PLEKHG4B: variants seen among roughly 807,000 people sequenced by gnomAD.
PLEKHG4B encodes the protein pleckstrin homology domain-containing family G member 4B.
Under a neutral mutation model 121.3 loss-of-function variants are expected in PLEKHG4B, and 111 were observed. That is an observed-to-expected ratio of 0.92 (90% CI 0.78 to 1.07). The LOEUF (loss-of-function observed/expected upper bound fraction) is 1.07. PLEKHG4B is among the 50% of genes least tolerant of loss of function. The probability of loss-of-function intolerance (pLI) is 0.00; values close to 1 mark genes in which losing one functional copy is unlikely to be tolerated. For synonymous variants in PLEKHG4B, 738 were observed against 725.0 expected, an observed-to-expected ratio of 1.02 and a Z score of -0.29; for missense variants, 1,831 against 1,757.8, an observed-to-expected ratio of 1.04 and a Z score of -0.74.
At chr5:112,352 C>T (rs565759195) in intron 1 of PLEKHG4B, among the ~76,000 whole-genome samples, 1 of 152,320 alleles carries the variant, frequency 6.6e-6, no homozygotes, top group Non-Finnish European at 1.5e-5. Flanking sequence ...TTTCAATTTC[C>T]TTAGGAAATT....
At chr5:132,946 G>A (rs1292864138) in intron 2 of PLEKHG4B, among the ~76,000 whole-genome samples, 2 of 152,138 alleles carry the variant, frequency 1.3e-5, no homozygotes, top group African/African-American at 4.8e-5. Context: ...GTGGTATTTT[G>A]ATGGGAATTG....
intron 2 of PLEKHG4B, among the ~76,000 whole-genome samples, chr5:120,570 A>G (rs1734438334): frequency 6.6e-6 from 1 of 152,216 alleles, no homozygotes; most frequent in African/African-American, 2.4e-5. Context: ...GCACTCCTGT[A>G]GCTTTAATTC....
At chr5:142,784 TCCTGAGGCGTCTG>T (rs1735262603) in intron 3 of PLEKHG4B, among the ~76,000 whole-genome samples, 1 of 152,218 alleles carries the variant, frequency 6.6e-6, no homozygotes, top group South Asian at 2.1e-4. Context: ...GACCTGTTCC[TCCTGAGGCGTCTG>T]CAGGTAGTGA....
intron 1 of PLEKHG4B, among the ~76,000 whole-genome samples, chr5:104,967 C>T (rs1386148292): frequency 1.3e-5 from 2 of 152,232 alleles, no homozygotes; most frequent in South Asian, 2.1e-4. Context: ...CTGGTGTTCC[C>T]GTCCTGAAGG....
intron 1 of PLEKHG4B, among the ~76,000 whole-genome samples, chr5:96,718 A>T (rs985067575): frequency 1.2e-4 from 19 of 152,182 alleles, no homozygotes; most frequent in Non-Finnish European, 2.2e-4. Flanking sequence ...AATCACAGTG[A>T]CCACTCATGC....
intron 2 of PLEKHG4B, among the ~76,000 whole-genome samples, chr5:122,135 T>C (rs1453658039): frequency 6.6e-6 from 1 of 152,094 alleles, no homozygotes; most frequent in Non-Finnish European, 1.5e-5. Context: ...CATATTGTAA[T>C]CTTGAGAGCA....
At chr5:164,779 C>G (rs1218276201) in intron 13 of PLEKHG4B, among the ~76,000 whole-genome samples, 1 of 134,014 alleles carries the variant, frequency 7.5e-6, no homozygotes, top group Non-Finnish European at 1.6e-5. Flanking sequence ...GCGGAGCTCA[C>G]ACTAATGCTC....
Position 185,685 on chromosome 5 carries a change from AG to A in PLEKHG4B, c.*3364del. ...GCCCAGGTGTGCAGGGGGCAGGGCC[AG>A]GTGCAGGGGCACAGCTTATGCCTGT... On this transcript the variant is annotated 3_prime_UTR_variant, in exon 20 of 20. Coordinates refer to ENST00000637938, the MANE Select transcript of PLEKHG4B (RefSeq NM_052909.5). The A allele has an allele frequency of 6.5e-6, 1 of 152,844 alleles. No homozygotes were observed. The highest frequency in any genetic ancestry group is 1.5e-5 in the Non-Finnish European group (1 of 68,366). The allele number at this position is 152,844 out of a possible 1,614,324, so 9.5% of individuals were successfully genotyped here.
At chr5:101,312 C>T (rs1327806994) in intron 1 of PLEKHG4B, among the ~76,000 whole-genome samples, 1 of 112,936 alleles carries the variant, frequency 8.9e-6, no homozygotes, top group Admixed American at 8.5e-5. Context: ...AGGGGAGAGA[C>T]TGTTGTGAGG....
intron 2 of PLEKHG4B, among the ~76,000 whole-genome samples, chr5:118,735 A>G (rs575933707): frequency 6.6e-6 from 1 of 152,246 alleles, no homozygotes; most frequent in South Asian, 2.1e-4. Context: ...ATCTAGGGTA[A>G]TAATACCTCT....
At position 137,801 on chromosome 5, in the gene PLEKHG4B, C is replaced by T. The variant is rs934825267; in HGVS notation, c.244-1682C>T. On this transcript the variant is annotated intron_variant, in intron 2 of 19. Coordinates refer to ENST00000637938, the MANE Select transcript of PLEKHG4B (RefSeq NM_052909.5). This position sits in a 1 kb window ranked among gnomAD's most constrained non-coding sequence, Gnocchi z 4.2. ...CTGTGCTGGGCAATAGGATCGGGGA[C>T]GGACTCTGGGGGCCAGGCTCGGGGA... Among the ~76,000 whole-genome samples the T allele has an allele frequency of 3.1e-4, 47 of 152,330 alleles. No homozygotes were observed. The highest frequency in any genetic ancestry group is 2.4e-3 in the Admixed American group (37 of 15,304).
At chr5:146,095 T>C (rs1386457831) in intron 6 of PLEKHG4B, among the ~76,000 whole-genome samples, 2 of 139,370 alleles carry the variant, frequency 1.4e-5, no homozygotes, top group Non-Finnish European at 3.1e-5. Flanking sequence ...CTTGGAGTCC[T>C]CCCTCCTCTC....
intron 2 of PLEKHG4B, among the ~76,000 whole-genome samples, chr5:138,842 T>C (rs1417418913): frequency 6.6e-6 from 1 of 152,264 alleles, no homozygotes; most frequent in Admixed American, 6.5e-5. Flanking sequence ...AAGTGATCTG[T>C]GTGCAGTTTC....
chr5:167,776 G>C (rs7720403), intron 13 of PLEKHG4B, among the ~76,000 whole-genome samples: 1,620 of 152,346 alleles, frequency 0.011, 23 homozygotes, highest in African/African-American at 0.033. Flanking sequence ...CCACTGCTCA[G>C]TTGCTGAGAG....
intron 13 of PLEKHG4B, among the ~76,000 whole-genome samples, chr5:164,681 GGGGGCGGAGCTCACACTAATGCTCTGAC>G (rs1312342481): frequency 0.11 from 7,219 of 65,436 alleles, 925 homozygotes; most frequent in African/African-American, 0.23. Context: ...TACTCTGACA[GGGGGCGGAGCTCACACTAATGCTCTGAC>G]GGGGCGGAGC....
In PLEKHG4B at chr5:92,183, C is replaced by G; in HGVS notation, c.-49C>G. 3 of 374,044 alleles carry G rather than the reference C, an allele frequency of 8.0e-6. No individual in the cohort carries two copies. Among genetic ancestry groups the G allele is most frequent in the East Asian group, 7.7e-5 (2 of 26,124 alleles). The allele number at this position is 374,044 out of a possible 1,614,324, so 23.2% of individuals were successfully genotyped here. A position where few individuals can be genotyped will look rare whatever the true frequency, so the allele number is the denominator to read the frequency against. On this transcript the variant is annotated 5_prime_UTR_variant, in exon 1 of 20. Coordinates refer to ENST00000637938, the MANE Select transcript of PLEKHG4B (RefSeq NM_052909.5). ...GCCTCGGCCCAGTGCACAGCGGGAC[C>G]AGGCAGAGTTCGGGGAAAGCGTCGG... is the stretch of plus-strand genomic sequence containing the variant.
chr5:138,830 T>G (rs1015766853), intron 2 of PLEKHG4B, among the ~76,000 whole-genome samples: 8 of 152,244 alleles, frequency 5.3e-5, no homozygotes, highest in Non-Finnish European at 1.2e-4. Context: ...CACTCAACAG[T>G]TAAGTGATCT....
At chr5:141,559 C>T (rs562008885) in intron 3 of PLEKHG4B, among the ~76,000 whole-genome samples, 2 of 151,670 alleles carry the variant, frequency 1.3e-5, no homozygotes, top group African/African-American at 2.4e-5. Flanking sequence ...AAACCCAGGA[C>T]GACCTCACAT....
Position 109,397 on chromosome 5 carries a change from C to CAAAAAAAAAAAAAAAA in PLEKHG4B, c.46-3845_46-3830dup, listed in dbSNP as rs34972342. On this transcript the variant is annotated intron_variant, in intron 1 of 19. Coordinates refer to ENST00000637938, the MANE Select transcript of PLEKHG4B (RefSeq NM_052909.5). ...GGGTGACAGGGCAAGACTCTGTCTC[C>CAAAAAAAAAAAAAAAA]AAAAAAAAAAAAAAAAAAAAAAAAT... Among the ~76,000 whole-genome samples, 6 of 61,814 alleles carry CAAAAAAAAAAAAAAAA rather than the reference C, an allele frequency of 9.7e-5. 1 individual carries two copies. The highest frequency in any genetic ancestry group is 3.9e-4 in the African/African-American group (5 of 12,976). 40.6% of individuals were successfully genotyped at this position (61,814 alleles called of 152,430 possible).
Sources: allele counts gnomAD v4.1 joint callset (sites outside exome capture counted in the v4.1 genomes callset), GRCh38; gene constraint gnomAD v4.1.1; non-coding constraint Gnocchi (gnomAD v3.1); transcripts MANE v1.5; gene names NCBI Gene and HGNC (gene_info 2026-07-23, HGNC 2026-07-21).